CA12: variants seen among roughly 807,000 people sequenced by gnomAD.
CA12 encodes carbonate dehydratase XII.
CA12 carries 36 observed loss-of-function variants against 46.8 expected under a neutral mutation model. The ratio of observed to expected loss-of-function variants is 0.77; its 90% CI spans 0.59 to 1.02. CA12 has a LOEUF of 1.02. Ranked by LOEUF, CA12 falls within the 50% of genes least tolerant of loss-of-function variation. The probability of loss-of-function intolerance (pLI) is 0.00; values close to 1 mark genes in which losing one functional copy is unlikely to be tolerated. For synonymous variants in CA12, 202 were observed against 187.0 expected, an observed-to-expected ratio of 1.08 and a Z score of -0.65; for missense variants, 436 against 451.4, an observed-to-expected ratio of 0.97 and a Z score of 0.31.
Position 63,348,790 on chromosome 15 carries a change from T to C in CA12, c.107-2081A>G, listed in dbSNP as rs370178883. Reference sequence around the variant, plus strand: ...TGAAGATAGGGACCCCTCATCTTCGTCTCTGTGAACCCATATTATAAGTAG... The same window carrying C: ...TGAAGATAGGGACCCCTCATCTTCGCCTCTGTGAACCCATATTATAAGTAG... On this transcript the variant is annotated intron_variant, in intron 2 of 10. Coordinates refer to ENST00000178638, the MANE Select transcript of CA12 (RefSeq NM_001218.5). This position sits in a 1 kb window ranked among gnomAD's most constrained non-coding sequence, Gnocchi z 4.6. 5.9e-5 allele frequency among the ~76,000 whole-genome samples: 9 copies of C among 152,340 alleles called. No homozygotes were observed. In the East Asian group the frequency reaches 9.6e-4, roughly 16 times the overall value.
chr15:63,368,664 C>G (rs897219559), intron 2 of CA12, among the ~76,000 whole-genome samples: 1 of 152,208 alleles, frequency 6.6e-6, no homozygotes, highest in African/African-American at 2.4e-5. Flanking sequence ...CCTGAATGCC[C>G]GGGGCTCAAG....
rs138250348 is a variant in CA12 at position 63,325,898 on chromosome 15, G to A, written c.*387C>T. The stretch of plus-strand genomic sequence containing the variant: ...GTGCACATTCTTGTCTGAAAGCTTG[G>A]AGAAGCAGCAGAATTTCCAGGACAC... On this transcript the variant is annotated 3_prime_UTR_variant, in exon 11 of 11. Transcript: ENST00000178638. This position sits in a 1 kb window ranked among gnomAD's most constrained non-coding sequence, Gnocchi z 4.9. 578 of 266,896 alleles carry A rather than the reference G, an allele frequency of 2.2e-3. 5 individuals carry two copies. The highest frequency in any genetic ancestry group is 0.012 in the African/African-American group (547 of 46,162). The allele number at this position is 266,896 out of a possible 1,614,324, so 16.5% of individuals were successfully genotyped here.
intron 8 of CA12, among the ~76,000 whole-genome samples, chr15:63,333,057 T>A (rs2038956103): frequency 6.6e-6 from 1 of 152,192 alleles, no homozygotes; most frequent in African/African-American, 2.4e-5. Flanking sequence ...GGAGATTAAG[T>A]CACCTTTAGA....
intron 2 of CA12, among the ~76,000 whole-genome samples, chr15:63,365,898 G>A (rs2039429314): frequency 1.3e-5 from 2 of 152,142 alleles, no homozygotes; most frequent in Admixed American, 1.3e-4. Flanking sequence ...CAGCACTTTG[G>A]GAGGGCAAGG....
At position 63,327,593 on chromosome 15, in the gene CA12, G is replaced by T. The variant is rs1595772910; in HGVS notation, c.908-360C>A. ...ATCTGCATTTTGCCAAATACTTACA[G>T]CTGATACTGATGCACGTGGTCCAAG... is the stretch of plus-strand genomic sequence containing the variant. On this transcript the variant is annotated intron_variant, in intron 9 of 10. Transcript: ENST00000178638. This position sits in a 1 kb window ranked among gnomAD's most constrained non-coding sequence, Gnocchi z 4.5. 2.6e-5 allele frequency among the ~76,000 whole-genome samples: 4 copies of T among 151,482 alleles called. 1 individual carries two copies. Among genetic ancestry groups the T allele is most frequent in the Admixed American group, 2.6e-4 (4 of 15,192 alleles).
intron 4 of CA12, among the ~76,000 whole-genome samples, chr15:63,343,920 G>T (rs1022637241): frequency 2.6e-5 from 4 of 151,186 alleles, no homozygotes; most frequent in African/African-American, 9.8e-5. Flanking sequence ...AGATAAAAAA[G>T]CAACACACCT....
At position 63,340,070 on chromosome 15, in the gene CA12, A is replaced by G. The variant is rs2152615435; in HGVS notation, c.747+218T>C. 1.7e-6 allele frequency: 1 copy of G among 596,668 alleles called. No individual in the cohort carries two copies. The highest frequency in any genetic ancestry group is 2.9e-5 in the East Asian group (1 of 34,138). The allele number at this position is 596,668 out of a possible 1,614,324, so 37.0% of individuals were successfully genotyped here. On this transcript the variant is annotated intron_variant, in intron 7 of 10. Transcript: ENST00000178638. This position sits in a 1 kb window ranked among gnomAD's most constrained non-coding sequence, Gnocchi z 4.4. Reference sequence around the variant, plus strand: ...CAGATTTAGAGCTCTTTTTTTTAAAAAAGAACTAGGAGACATCTATTCATT... The same window carrying G: ...CAGATTTAGAGCTCTTTTTTTTAAAGAAGAACTAGGAGACATCTATTCATT...
rs993348850 is a variant in CA12, at chr15:63,324,259, G to A, written c.*2026C>T. 3.3e-5 allele frequency: 5 copies of A among 152,438 alleles called. No individual in the cohort carries two copies. The highest frequency in any genetic ancestry group is 4.8e-5 in the African/African-American group (2 of 41,582). 9.4% of individuals were successfully genotyped at this position (152,438 alleles called of 1,614,324 possible). On this transcript the variant is annotated 3_prime_UTR_variant, in exon 11 of 11. Coordinates refer to ENST00000178638, the MANE Select transcript of CA12 (RefSeq NM_001218.5). ...AAATGCCACTGTCTTGCACCTCCCAGTAAGTCTCCCTTTTCATGAACAGCC... is the reference window on the plus strand; with the variant it reads ...AAATGCCACTGTCTTGCACCTCCCAATAAGTCTCCCTTTTCATGAACAGCC...
In CA12 at chr15:63,378,062, C is replaced by T. The variant is rs914574222; in HGVS notation, c.86-2384G>A. 2.0e-5 allele frequency among the ~76,000 whole-genome samples: 3 copies of T among 152,256 alleles called. No individual in the cohort carries two copies. The highest frequency in any genetic ancestry group is 2.1e-4 in the South Asian group (1 of 4,824). On this transcript the variant is annotated intron_variant, in intron 1 of 10. Coordinates refer to ENST00000178638, the MANE Select transcript of CA12 (RefSeq NM_001218.5). The surrounding 1 kb of genome is among the most constrained non-coding windows in gnomAD (Gnocchi z 4.8). Reference sequence around the variant, plus strand: ...AGGAGTCCAGACCCCCTGGAGTATCCGATGAGTATTATGGACCTCTCCCAG... The same window carrying T: ...AGGAGTCCAGACCCCCTGGAGTATCTGATGAGTATTATGGACCTCTCCCAG...
rs1377800170 is a variant in CA12, at chr15:63,323,869, T to A, written c.*2416A>T. 1.3e-5 allele frequency: 2 copies of A among 152,244 alleles called. No individual in the cohort carries two copies. The highest frequency in any genetic ancestry group is 4.8e-5 in the African/African-American group (2 of 41,456). 9.4% of individuals were successfully genotyped at this position (152,244 alleles called of 1,614,324 possible). A position where few individuals can be genotyped will look rare whatever the true frequency, so the allele number is the denominator to read the frequency against. On this transcript the variant is annotated 3_prime_UTR_variant, in exon 11 of 11. Transcript: ENST00000178638. This position sits in a 1 kb window ranked among gnomAD's most constrained non-coding sequence, Gnocchi z 5.1. ...AAACAAACAGAACAAAGAAAGAGATTCAAGATCTCACATGAGTGAGAATCC... is the reference window on the plus strand; with the variant it reads ...AAACAAACAGAACAAAGAAAGAGATACAAGATCTCACATGAGTGAGAATCC...
intron 1 of CA12, among the ~76,000 whole-genome samples, chr15:63,375,983 A>C (rs545418562): frequency 6.7e-6 from 1 of 150,050 alleles, no homozygotes; most frequent in Non-Finnish European, 1.5e-5. Context: ...TTAATTTTGT[A>C]TTTTTAGTAG....
intron 2 of CA12, among the ~76,000 whole-genome samples, chr15:63,353,647 C>T (rs528843183): frequency 1.9e-4 from 29 of 152,238 alleles, no homozygotes; most frequent in Non-Finnish European, 3.4e-4. Flanking sequence ...CAGAGGGGAC[C>T]GCAGACTTCA....
Position 63,341,023 on chromosome 15 carries a change from C to T in CA12, c.526-240G>A, listed in dbSNP as rs1281520153. On this transcript the variant is annotated intron_variant, in intron 5 of 10. Coordinates refer to ENST00000178638, the MANE Select transcript of CA12 (RefSeq NM_001218.5). This position sits in a 1 kb window ranked among gnomAD's most constrained non-coding sequence, Gnocchi z 5.2. ...GGAGTTGGGCTTGAATGTCCTGGGG[C>T]ATAGGGTACCGTGTGTGCTCTTGAT... Among the ~76,000 whole-genome samples, 1 of 152,150 alleles carries T rather than the reference C, an allele frequency of 6.6e-6. No homozygotes were observed. Among genetic ancestry groups the T allele is most frequent in the East Asian group, 1.9e-4 (1 of 5,190 alleles).
At chr15:63,338,971 G>A (rs141719191) in intron 7 of CA12, 26 bp from the exon 8 acceptor site, 356 of 1,613,800 alleles carry the variant, frequency 2.2e-4, no homozygotes, top group African/African-American at 2.2e-3. Flanking sequence ...GAAATAGCCC[G>A]CAGGCAGAAT....
In CA12 at chr15:63,328,762, A is replaced by G. The variant is rs199884029; in HGVS notation, c.875-632T>C. On this transcript the variant is annotated intron_variant, in intron 8 of 10. Coordinates refer to ENST00000178638, the MANE Select transcript of CA12 (RefSeq NM_001218.5). This position sits in a 1 kb window ranked among gnomAD's most constrained non-coding sequence, Gnocchi z 5.9. ...GTCACACATGCTGGAGTGCAGTGGCACAATCTTGGCTCACTGCAACCTCCA... is the reference window on the plus strand; with the variant it reads ...GTCACACATGCTGGAGTGCAGTGGCGCAATCTTGGCTCACTGCAACCTCCA... Among the ~76,000 whole-genome samples the G allele has an allele frequency of 4.6e-5, 7 of 150,560 alleles. No homozygotes were observed. Among genetic ancestry groups the G allele is most frequent in the Non-Finnish European group, 7.4e-5 (5 of 67,640 alleles).
Position 63,325,273 on chromosome 15 carries a change from A to C in CA12, c.*1012T>G, listed in dbSNP as rs915155584. ...TGAAATGAAATTTGGCCTACAGAGAATAAGTTCTACAGTCATTTTGTTTCT... is the reference window on the plus strand; with the variant it reads ...TGAAATGAAATTTGGCCTACAGAGACTAAGTTCTACAGTCATTTTGTTTCT... On this transcript the variant is annotated 3_prime_UTR_variant, in exon 11 of 11. Coordinates refer to ENST00000178638, the MANE Select transcript of CA12 (RefSeq NM_001218.5). The surrounding 1 kb of genome is among the most constrained non-coding windows in gnomAD (Gnocchi z 4.9). 1.3e-5 allele frequency: 2 copies of C among 152,240 alleles called. No individual in the cohort carries two copies. The highest frequency in any genetic ancestry group is 4.8e-5 in the African/African-American group (2 of 41,462). 9.4% of individuals were successfully genotyped at this position (152,240 alleles called of 1,614,324 possible).
chr15:63,375,870 C>T (rs768117487), intron 1 of CA12, among the ~76,000 whole-genome samples, 192 bp from the exon 2 acceptor site: 6 of 150,178 alleles, frequency 4.0e-5, no homozygotes, highest in Non-Finnish European at 7.4e-5. Context: ...AGTGCAGTGG[C>T]GCGATCTCGG....
At chr15:63,326,589 T>C (rs1319877500) in intron 10 of CA12, among the ~76,000 whole-genome samples, 2 of 152,302 alleles carry the variant, frequency 1.3e-5, no homozygotes, top group Admixed American at 6.5e-5. Context: ...AGTAGACCTA[T>C]ATTTTGAAAG....
At position 63,322,398 on chromosome 15, in the gene CA12, T is replaced by G. The variant is rs2038801560; in HGVS notation, c.*3887A>C. ...AAAATTAAATTTAAATTAATGTCAC[T>G]GGTTTTTTTTTTTTTACCTTTTTCT... On this transcript the variant is annotated 3_prime_UTR_variant, in exon 11 of 11. Coordinates refer to ENST00000178638, the MANE Select transcript of CA12 (RefSeq NM_001218.5). This position sits in a 1 kb window ranked among gnomAD's most constrained non-coding sequence, Gnocchi z 4.1. 6.7e-6 allele frequency: 1 copy of G among 149,180 alleles called. No homozygotes were observed. Among genetic ancestry groups the G allele is most frequent in the African/African-American group, 2.6e-5 (1 of 39,056 alleles). The allele number at this position is 149,180 out of a possible 1,614,324, so 9.2% of individuals were successfully genotyped here.
Sources: allele counts gnomAD v4.1 joint callset (sites outside exome capture counted in the v4.1 genomes callset), GRCh38; gene constraint gnomAD v4.1.1; non-coding constraint Gnocchi (gnomAD v3.1); transcripts MANE v1.5; gene names NCBI Gene and HGNC (gene_info 2026-07-23, HGNC 2026-07-21).